SLIT3: variants seen among roughly 807,000 people sequenced by gnomAD.
SLIT3 encodes the protein slit homolog 3 protein.
Under a neutral mutation model 184.0 loss-of-function variants are expected in SLIT3, and 68 were observed. The ratio of observed to expected loss-of-function variants is 0.37; its 90% CI spans 0.30 to 0.45. The LOEUF (loss-of-function observed/expected upper bound fraction) is 0.45, where lower values mean the gene tolerates loss of function less well. Among genes scored for constraint, SLIT3 ranks in the 20% least tolerant of loss-of-function variants. The probability of loss-of-function intolerance (pLI) is 1.00; values close to 1 mark genes in which losing one functional copy is unlikely to be tolerated. For missense variants in SLIT3, 1,707 were observed against 2,026.0 expected (o/e 0.84, Z 3.02); for synonymous variants, 831 against 828.6 (o/e 1.00, Z -0.05).
chr5:168,810,572 G>A (rs1193354598), intron 8 of SLIT3, among the ~76,000 whole-genome samples: 1 of 152,258 alleles, frequency 6.6e-6, no homozygotes, highest in African/African-American at 2.4e-5. Flanking sequence ...AGAAAAGGGG[G>A]CTGAGGATGT....
chr5:169,124,343 C>G (rs1561680725), intron 4 of SLIT3, among the ~76,000 whole-genome samples: 1 of 152,208 alleles, frequency 6.6e-6, no homozygotes, highest in Non-Finnish European at 1.5e-5. Context: ...TACACACACA[C>G]ATAGACAAGC....
intron 4 of SLIT3, among the ~76,000 whole-genome samples, chr5:168,901,235 G>A (rs1250101996): frequency 6.6e-6 from 1 of 152,092 alleles, no homozygotes; most frequent in African/African-American, 2.4e-5. Context: ...GTGGCGGCGG[G>A]CGCCTGTAGT....
chr5:168,917,510 A>G (rs544223679), intron 4 of SLIT3, among the ~76,000 whole-genome samples: 2 of 152,314 alleles, frequency 1.3e-5, no homozygotes, highest in South Asian at 2.1e-4. Context: ...CAGTACTCCA[A>G]ACAAGACACA....
intron 4 of SLIT3, among the ~76,000 whole-genome samples, chr5:169,150,733 A>C (rs297830): frequency 0.66 from 99,816 of 152,034 alleles, 34,214 homozygotes; most frequent in African/African-American, 0.87. Context: ...TTGAACAAGA[A>C]CTTGAACAAG....
chr5:168,866,324 G>T (rs905245512), intron 5 of SLIT3, among the ~76,000 whole-genome samples: 12 of 152,222 alleles, frequency 7.9e-5, no homozygotes, highest in African/African-American at 2.4e-4. Context: ...CTGAGAGGGA[G>T]GCTTTGTTCT....
chr5:168,730,843 C>G lies in SLIT3; in HGVS notation c.2271-6359G>C, dbSNP rs551499816. Among the ~76,000 whole-genome samples, 5 of 151,834 alleles carry G rather than the reference C, an allele frequency of 3.3e-5. No individual in the cohort carries two copies. In the South Asian group the frequency reaches 1.0e-3, roughly 32 times the overall value. ...TAGAAAAAGAAGAACAAAACAACCC[C>G]AAAGTTAGCAGAAGAAGAGAAATAA... On this transcript the variant is annotated intron_variant, in intron 20 of 35. Transcript: ENST00000519560.
At chr5:169,148,186 T>C (rs1761993854) in intron 4 of SLIT3, among the ~76,000 whole-genome samples, 1 of 152,284 alleles carries the variant, frequency 6.6e-6, no homozygotes, top group Admixed American at 6.5e-5. Context: ...AGGGTCAGAA[T>C]TGTTCACGTT....
chr5:169,176,397 T>C (rs1376896681), intron 4 of SLIT3, among the ~76,000 whole-genome samples: 3 of 152,192 alleles, frequency 2.0e-5, no homozygotes, highest in Non-Finnish European at 4.4e-5. Flanking sequence ...GTCTCGATTT[T>C]CTCTTCCGTC....
At chr5:169,224,024 A>G (rs1764708471) in intron 3 of SLIT3, among the ~76,000 whole-genome samples, 1 of 152,194 alleles carries the variant, frequency 6.6e-6, no homozygotes, top group East Asian at 1.9e-4. Context: ...AAGTAGTCTT[A>G]AGAAGATACA....
Position 168,842,468 on chromosome 5 carries a change from C to T in SLIT3, c.557+2116G>A, listed in dbSNP as rs1010271086. Among the ~76,000 whole-genome samples, 368 of 61,214 alleles carry T rather than the reference C, an allele frequency of 6.0e-3. 2 individuals are homozygous for T. The highest frequency in any genetic ancestry group is 7.2e-3 in the Admixed American group (46 of 6,414). 40.2% of individuals were successfully genotyped at this position (61,214 alleles called of 152,430 possible). A position where few individuals can be genotyped will look rare whatever the true frequency, so the allele number is the denominator to read the frequency against. The stretch of plus-strand genomic sequence containing the variant: ...CTGGTGCATCTGGATACCGTTTTTT[C>T]GTTTTTTTTTTTTTTTTTTGTATCT... On this transcript the variant is annotated intron_variant, in intron 6 of 35. Coordinates refer to ENST00000519560, the MANE Select transcript of SLIT3 (RefSeq NM_003062.4).
intron 5 of SLIT3, among the ~76,000 whole-genome samples, chr5:168,877,250 G>T (rs1759765178): frequency 6.6e-6 from 1 of 152,196 alleles, no homozygotes; most frequent in South Asian, 2.1e-4. Flanking sequence ...GGCAGTGGGG[G>T]ACAGTAGGCA....
chr5:169,248,971 G>T (rs1048593281), intron 2 of SLIT3, among the ~76,000 whole-genome samples: 18 of 152,176 alleles, frequency 1.2e-4, no homozygotes, highest in African/African-American at 4.3e-4. Context: ...GTTTGACACA[G>T]AAACTGTTGG....
At chr5:168,938,749 G>A (rs1762241483) in intron 4 of SLIT3, among the ~76,000 whole-genome samples, 1 of 152,258 alleles carries the variant, frequency 6.6e-6, no homozygotes, top group South Asian at 2.1e-4. Flanking sequence ...TCCCGCCTCA[G>A]CCTCCCTAGT....
At position 169,230,698 on chromosome 5, in the gene SLIT3, A is replaced by C. The variant is rs1205027579; in HGVS notation, c.341+14007T>G. Among the ~76,000 whole-genome samples the C allele has an allele frequency of 4.6e-5, 7 of 152,288 alleles. No individual in the cohort carries two copies. In the East Asian group the frequency reaches 1.2e-3, roughly 25 times the overall value. ...GTAAGAGGAGGAAATTGGATAATGC[A>C]ATATCTCAATCTCCTTCTGACTCCT... is the stretch of plus-strand genomic sequence containing the variant. On this transcript the variant is annotated intron_variant, in intron 3 of 35. Transcript: ENST00000519560.
intron 35 of SLIT3, among the ~76,000 whole-genome samples, chr5:168,667,969 C>G (rs1274867772): frequency 1.3e-5 from 2 of 152,098 alleles, no homozygotes; most frequent in Non-Finnish European, 2.9e-5. Flanking sequence ...TTCTGTAAGT[C>G]TGAAATTATT....
At chr5:169,003,873 G>A (rs1416279611) in intron 4 of SLIT3, among the ~76,000 whole-genome samples, 2 of 152,128 alleles carry the variant, frequency 1.3e-5, no homozygotes, top group East Asian at 3.9e-4. Flanking sequence ...CTCTGGAGGG[G>A]GCAGCGTTCT....
intron 3 of SLIT3, among the ~76,000 whole-genome samples, chr5:169,236,570 A>C (rs1765209423): frequency 6.6e-6 from 1 of 151,812 alleles, no homozygotes; most frequent in Non-Finnish European, 1.5e-5. Context: ...ACCTGGGTTC[A>C]AGTGATTCTC....
chr5:169,040,926 T>C (rs991695382), intron 4 of SLIT3, among the ~76,000 whole-genome samples: 1 of 152,206 alleles, frequency 6.6e-6, no homozygotes. Context: ...TGATGATTGA[T>C]GCATTAATGT....
intron 5 of SLIT3, among the ~76,000 whole-genome samples, chr5:168,851,209 G>A (rs1758661738): frequency 6.6e-6 from 1 of 151,796 alleles, no homozygotes; most frequent in Non-Finnish European, 1.5e-5. Flanking sequence ...TGTAGTCCCA[G>A]CTACTCGGGA....
Sources: allele counts gnomAD v4.1 joint callset (sites outside exome capture counted in the v4.1 genomes callset), GRCh38; gene constraint gnomAD v4.1.1; transcripts MANE v1.5; gene names NCBI Gene and HGNC (gene_info 2026-07-23, HGNC 2026-07-21).